Variants in MYO18B observed in about 807,000 individuals in gnomAD.
The protein encoded by MYO18B is unconventional myosin-XVIIIb.
In MYO18B, 204 loss-of-function variants were observed where a neutral mutation model predicts 273.0. The observed-to-expected ratio is 0.75, with a 90% CI of 0.67 to 0.84. MYO18B has a LOEUF of 0.84. Among genes scored for constraint, MYO18B ranks in the 40% least tolerant of loss-of-function variants. MYO18B has a pLI of 0.00. For synonymous variants in MYO18B, 1,330 were observed against 1,305.7 expected, an observed-to-expected ratio of 1.02 and a Z score of -0.40; for missense variants, 3,212 against 3,287.6, an observed-to-expected ratio of 0.98 and a Z score of 0.56.
intron 39 of MYO18B, among the ~76,000 whole-genome samples, chr22:25,991,406 T>G (rs73404413): frequency 0.018 from 2,788 of 152,288 alleles, 89 homozygotes; most frequent in African/African-American, 0.064. Context: ...ACCCACCAGA[T>G]GCCAGCAGCA....
intron 21 of MYO18B, among the ~76,000 whole-genome samples, chr22:25,862,849 G>C (rs951935747): frequency 2.7e-5 from 4 of 150,506 alleles, no homozygotes; most frequent in Non-Finnish European, 5.9e-5. Flanking sequence ...TTTTTTTTGG[G>C]GGGGGGTGTC....
At chr22:25,777,468 A>G in intron 7 of MYO18B, 115 bp from the exon 8 acceptor site, 2 of 1,004,440 alleles carry the variant, frequency 2.0e-6, no homozygotes, top group South Asian at 2.1e-5. Flanking sequence ...ATCTGGAGGC[A>G]GATCTGGAGG....
At chr22:25,889,541 C>T (rs953392048) in intron 25 of MYO18B, among the ~76,000 whole-genome samples, 2 of 146,100 alleles carry the variant, frequency 1.4e-5, no homozygotes, top group African/African-American at 2.6e-5. Flanking sequence ...TCGAACCTTG[C>T]ACCCTACCTC....
At chr22:25,936,010 G>A (rs887339553) in intron 34 of MYO18B, among the ~76,000 whole-genome samples, 3 of 152,224 alleles carry the variant, frequency 2.0e-5, no homozygotes, top group African/African-American at 7.2e-5. Context: ...CATGTGTCGA[G>A]TTCATACTAT....
chr22:25,828,524 T>A (rs979870617), intron 14 of MYO18B, among the ~76,000 whole-genome samples: 8 of 151,912 alleles, frequency 5.3e-5, no homozygotes, highest in African/African-American at 1.9e-4. Context: ...TTTTTTTTTT[T>A]ACTTTGGGCC....
chr22:25,907,615 A>T (rs2092070798), intron 31 of MYO18B, among the ~76,000 whole-genome samples: 1 of 152,222 alleles, frequency 6.6e-6, no homozygotes, highest in Admixed American at 6.5e-5. Context: ...TGGGCAAATC[A>T]TCTTCTTTTC....
chr22:25,797,131 G>A (rs2087951487), intron 11 of MYO18B, among the ~76,000 whole-genome samples: 1 of 152,210 alleles, frequency 6.6e-6, no homozygotes, highest in Admixed American at 6.5e-5. Flanking sequence ...GGAGGCTGAG[G>A]TGAGAGAATC....
chr22:25,836,352 T>C (rs1385803122), intron 17 of MYO18B, among the ~76,000 whole-genome samples: 1 of 152,192 alleles, frequency 6.6e-6, no homozygotes, highest in Non-Finnish European at 1.5e-5. Context: ...ATTATGTGCA[T>C]GCAGAGCTTT....
At chr22:25,847,768 T>A in intron 20 of MYO18B, 116 bp downstream of exon 20, 1 of 711,030 alleles carries the variant, frequency 1.4e-6, no homozygotes, top group Admixed American at 2.5e-5. Flanking sequence ...ACACCCAGCA[T>A]CCTGGTTACT....
At chr22:25,992,701 AG>A (rs1457225517) in intron 40 of MYO18B, among the ~76,000 whole-genome samples, 1 of 152,206 alleles carries the variant, frequency 6.6e-6, no homozygotes, top group African/African-American at 2.4e-5. Context: ...AAAACCTCTC[AG>A]TCCAGCTTAC....
intron 28 of MYO18B, 23 bp downstream of exon 28, chr22:25,895,303 G>A: frequency 6.3e-7 from 1 of 1,579,656 alleles, no homozygotes; most frequent in Non-Finnish European, 8.6e-7. Context: ...GATAGTCTGG[G>A]CCACAGAAGT....
At chr22:26,004,984 G>A in intron 42 of MYO18B, 129 bp downstream of exon 42, 4 of 1,194,258 alleles carry the variant, frequency 3.3e-6, no homozygotes, top group East Asian at 2.4e-5. Flanking sequence ...AAAGTCTGGG[G>A]TATAACTCTG....
intron 1 of MYO18B, among the ~76,000 whole-genome samples, chr22:25,749,220 A>C (rs1324133464): frequency 6.6e-6 from 1 of 152,218 alleles, no homozygotes; most frequent in Non-Finnish European, 1.5e-5. Flanking sequence ...GGTATCCTGG[A>C]GAGCCTTTTT....
chr22:25,851,515 A>G lies in MYO18B; in HGVS notation c.3821A>G (p.Gln1274Arg), dbSNP rs2090427388. The G allele has an allele frequency of 1.3e-6, 2 of 1,561,070 alleles. No individual in the cohort carries two copies. The highest frequency in any genetic ancestry group is 1.7e-6 in the Non-Finnish European group (2 of 1,152,216). ...MGLTRFRRQF[Q>R]VLDAPLLKKL... ...CTCACTCGCTTCCGCCGGCAATTCCAGGTGCTGGACGCTCCACTCCTGAAG... is the reference window on the plus strand; with the variant it reads ...CTCACTCGCTTCCGCCGGCAATTCCGGGTGCTGGACGCTCCACTCCTGAAG... The change falls in exon 21 of 44, where the codon CAG becomes CGG. Residue 1274 changes from glutamine (Q) to arginine (R), a missense_variant. Coordinates refer to ENST00000335473, the MANE Select transcript of MYO18B (RefSeq NM_032608.7).
Position 25,953,720 on chromosome 22 carries a change from T to G in MYO18B, c.5970+1297T>G, listed in dbSNP as rs368041988. ...CTATATCACATGCCATTTTAAAACT[T>G]GTGTCTAGCGTAGTGAAATGACAGC... On this transcript the variant is annotated intron_variant, in intron 38 of 43. Transcript: ENST00000335473. 9 of 152,322 alleles carry G rather than the reference T, an allele frequency of 5.9e-5. No homozygotes were observed. In the East Asian group the frequency reaches 1.7e-3, roughly 29 times the overall value. 9.4% of individuals were successfully genotyped at this position (152,322 alleles called of 1,614,324 possible).
At chr22:25,769,952 G>A in intron 4 of MYO18B, 158 bp from the exon 5 acceptor site, 1 of 743,014 alleles carries the variant, frequency 1.3e-6, no homozygotes, top group Non-Finnish European at 2.4e-6. Flanking sequence ...GTCCGCAACG[G>A]GAATCTGCAT....
rs752839572 is a variant in MYO18B, at chr22:25,955,361, G to A, written c.6153G>A (p.Glu2051=). The A allele has an allele frequency of 6.2e-7, 1 of 1,612,346 alleles. No homozygotes were observed. Among genetic ancestry groups the A allele is most frequent in the Non-Finnish European group, 8.5e-7 (1 of 1,179,316 alleles). Residue 2051 remains glutamate (E), a synonymous_variant, in exon 39 of 44, where the codon GAG becomes GAA. Transcript: ENST00000335473. The stretch of plus-strand genomic sequence containing the variant: ...CAGAGGCCAGCCGGCGGTGCATGGA[G>A]CTGGTGAGTCCTGTCCCCATCATGG... The part of the protein sequence containing the change: ...REAEASRRCM[E]LEKYVEELAA...
At chr22:25,895,544 C>G (rs2091778803) in intron 28 of MYO18B, 3 of 330,240 alleles carry the variant, frequency 9.1e-6, no homozygotes, top group Non-Finnish European at 1.7e-5. Context: ...ATCTGAGTTC[C>G]AGTTCCATTT....
chr22:26,013,376 C>T (rs1024066243), intron 42 of MYO18B, among the ~76,000 whole-genome samples: 1 of 152,178 alleles, frequency 6.6e-6, no homozygotes, highest in Non-Finnish European at 1.5e-5. Flanking sequence ...TATACCACCA[C>T]TGAGAAACCA....
Sources: allele counts gnomAD v4.1 joint callset (sites outside exome capture counted in the v4.1 genomes callset), GRCh38; gene constraint gnomAD v4.1.1; transcripts MANE v1.5; gene names NCBI Gene and HGNC (gene_info 2026-07-23, HGNC 2026-07-21).